LAMA2: variants seen among roughly 807,000 people sequenced by gnomAD.
LAMA2 encodes laminin subunit alpha-2.
A neutral mutation model predicts 364.8 loss-of-function variants in LAMA2; 269 were observed. The ratio of observed to expected loss-of-function variants is 0.74; its 90% CI spans 0.67 to 0.82. LAMA2 has a LOEUF of 0.82. Ranked by LOEUF, LAMA2 falls within the 40% of genes least tolerant of loss-of-function variation. LAMA2 has a pLI of 0.00. For synonymous variants in LAMA2, 1,379 were observed against 1,370.6 expected (o/e 1.01, Z -0.14); for missense variants, 3,807 against 3,873.2 (o/e 0.98, Z 0.45).
chr6:128,943,315 T>G (rs1780284775), intron 1 of LAMA2, among the ~76,000 whole-genome samples: 2 of 144,410 alleles, frequency 1.4e-5, no homozygotes. Context: ...GAGTCAGTCT[T>G]GCTCTGTTAA....
chr6:129,390,485 G>C (rs1372158695), intron 35 of LAMA2, among the ~76,000 whole-genome samples: 1 of 152,018 alleles, frequency 6.6e-6, no homozygotes, highest in African/African-American at 2.4e-5. Context: ...GTCATAAGGA[G>C]ATCTTCGGAT....
chr6:129,501,637 C>G (rs1422063338), intron 58 of LAMA2, among the ~76,000 whole-genome samples: 1 of 152,226 alleles, frequency 6.6e-6, no homozygotes, highest in African/African-American at 2.4e-5. Flanking sequence ...TGAGTCAGCA[C>G]TCACTGGGGC....
At chr6:129,264,715 A>G (rs1185208431) in intron 15 of LAMA2, among the ~76,000 whole-genome samples, 1 of 152,122 alleles carries the variant, frequency 6.6e-6, no homozygotes, top group Non-Finnish European at 1.5e-5. Flanking sequence ...GAAGTTGAGA[A>G]AAGAAATTGT....
At chr6:128,904,353 ATG>A (rs1457069711) in intron 1 of LAMA2, among the ~76,000 whole-genome samples, 1 of 151,952 alleles carries the variant, frequency 6.6e-6, no homozygotes, top group Non-Finnish European at 1.5e-5. Context: ...TTCTACAATA[ATG>A]TGATTCAGAG....
intron 3 of LAMA2, 97 bp downstream of exon 3, chr6:129,059,993 T>C (rs1562201022): frequency 1.4e-6 from 1 of 728,962 alleles, no homozygotes; most frequent in African/African-American, 1.7e-5. Flanking sequence ...GGATACTCTT[T>C]CTTATCACTC....
intron 28 of LAMA2, among the ~76,000 whole-genome samples, chr6:129,321,579 C>T (rs943044519): frequency 5.9e-5 from 9 of 152,150 alleles, no homozygotes; most frequent in Non-Finnish European, 1.2e-4. Flanking sequence ...TATTAAATCT[C>T]CCTCACCTAC....
At chr6:129,039,934 T>TG (rs1786971949) in intron 1 of LAMA2, among the ~76,000 whole-genome samples, 1 of 152,206 alleles carries the variant, frequency 6.6e-6, no homozygotes, top group South Asian at 2.1e-4. Context: ...GCCCTGGGGT[T>TG]GGGGACCCCG....
intron 34 of LAMA2, among the ~76,000 whole-genome samples, chr6:129,372,606 C>T (rs1232392789): frequency 1.3e-5 from 2 of 152,194 alleles, no homozygotes; most frequent in South Asian, 2.1e-4. Context: ...TTGCTGTAAA[C>T]ATCTTTGTGC....
At chr6:129,432,685 A>T (rs1562559023) in intron 41 of LAMA2, among the ~76,000 whole-genome samples, 1 of 152,144 alleles carries the variant, frequency 6.6e-6, no homozygotes, top group East Asian at 1.9e-4. Context: ...AGGTATTCAA[A>T]CTCAATTTTC....
intron 1 of LAMA2, among the ~76,000 whole-genome samples, chr6:128,989,805 G>A (rs533363837): frequency 1.3e-5 from 2 of 152,152 alleles, no homozygotes; most frequent in African/African-American, 4.8e-5. Flanking sequence ...ATTTCTCACA[G>A]TCTGGAGGCT....
At chr6:129,221,015 A>T (rs1783794971) in intron 12 of LAMA2, among the ~76,000 whole-genome samples, 1 of 152,014 alleles carries the variant, frequency 6.6e-6, no homozygotes, top group Non-Finnish European at 1.5e-5. Flanking sequence ...TACAAAAATT[A>T]GCCGGGCATG....
At chr6:128,951,476 A>C (rs1367317641) in intron 1 of LAMA2, among the ~76,000 whole-genome samples, 9 of 152,192 alleles carry the variant, frequency 5.9e-5, no homozygotes, top group Non-Finnish European at 1.2e-4. Context: ...CATAATGTCC[A>C]AAATGAAAAT....
At chr6:129,498,531 T>TAAAC (rs1476548922) in intron 58 of LAMA2, among the ~76,000 whole-genome samples, 5 of 152,206 alleles carry the variant, frequency 3.3e-5, no homozygotes, top group African/African-American at 7.2e-5. Context: ...AGTTTCTCAA[T>TAAAC]AAACATCTTG....
At chr6:129,081,090 GT>G (rs1207803364) in intron 3 of LAMA2, among the ~76,000 whole-genome samples, 2 of 152,168 alleles carry the variant, frequency 1.3e-5, no homozygotes, top group African/African-American at 4.8e-5. Context: ...CATGTCCTTT[GT>G]AGGGATATGG....
intron 15 of LAMA2, 64 bp from the exon 16 acceptor site, chr6:129,267,042 A>G: frequency 1.9e-6 from 2 of 1,046,106 alleles, no homozygotes; most frequent in Non-Finnish European, 3.0e-6. Flanking sequence ...AACAAACACA[A>G]ACAAACAAAA....
chr6:129,231,108 C>A (rs1396898526), intron 12 of LAMA2, among the ~76,000 whole-genome samples: 1 of 151,982 alleles, frequency 6.6e-6, no homozygotes, highest in African/African-American at 2.4e-5. Flanking sequence ...GCATTTCCTT[C>A]TTTTTTAGAA....
intron 9 of LAMA2, among the ~76,000 whole-genome samples, chr6:129,172,877 C>T (rs1422295703): frequency 6.6e-6 from 1 of 152,218 alleles, no homozygotes; most frequent in Non-Finnish European, 1.5e-5. Flanking sequence ...TCTCATGGTT[C>T]ACCGTTTTTT....
intron 9 of LAMA2, among the ~76,000 whole-genome samples, chr6:129,167,123 C>G (rs894511776): frequency 1.3e-5 from 2 of 151,908 alleles, no homozygotes; most frequent in African/African-American, 4.8e-5. Flanking sequence ...GTCTTACTTC[C>G]AAATTTAAAA....
At position 129,192,686 on chromosome 6, in the gene LAMA2, G is replaced by C. The variant is rs764236220; in HGVS notation, c.1615G>C (p.Asp539His). The change falls in exon 12 of 65, where the codon GAT becomes CAT. Residue 539 changes from aspartate (D) to histidine (H), a missense_variant. Physicochemically the swap from Asp to His is moderately conservative, Grantham distance 81. This residue lies in a region of LAMA2 where 3,333 missense variants were observed against 3,345.7 expected (regional missense o/e 1.00). Coordinates refer to ENST00000421865, the MANE Select transcript of LAMA2 (RefSeq NM_000426.4). Reference protein sequence around the residue: ...SSYWTYGKIQDMSGWYLTDLP... With the variant: ...SSYWTYGKIQHMSGWYLTDLP... ...ACTGTGTGTTTTCTCTAAGATACAA[G>C]ATATGAGTGGCTGGTATCTGACTGA... is the stretch of plus-strand genomic sequence containing the variant. The C allele has an allele frequency of 3.0e-5, 48 of 1,613,856 alleles. No individual in the cohort carries two copies. In the East Asian group the frequency reaches 1.1e-3, roughly 36 times the overall value.
Sources: allele counts gnomAD v4.1 joint callset (sites outside exome capture counted in the v4.1 genomes callset), GRCh38; gene constraint gnomAD v4.1.1; regional missense constraint gnomAD v4.1.1; transcripts MANE v1.5; gene names NCBI Gene and HGNC (gene_info 2026-07-23, HGNC 2026-07-21).